Variants in CDRT4 observed in about 807,000 individuals in gnomAD.
CDRT4 encodes CMT1A duplicated region transcript 4 protein.
For synonymous variants in CDRT4, 64 were observed against 69.6 expected (o/e 0.92, Z 0.40); for missense variants, 167 against 193.1 (o/e 0.87, Z 0.80).
intron 2 of CDRT4, 28 bp from the exon 3 acceptor site, chr17:15,440,313 A>C: frequency 6.2e-7 from 1 of 1,604,600 alleles, no homozygotes; most frequent in Non-Finnish European, 8.5e-7. Context: ...TGTTAGCCAG[A>C]GCCTCCTCAA....
intron 1 of CDRT4, among the ~76,000 whole-genome samples, chr17:15,461,117 AC>A (rs1364336102): frequency 6.6e-6 from 1 of 152,178 alleles, no homozygotes; most frequent in Non-Finnish European, 1.5e-5. Flanking sequence ...TGTTTCCCCG[AC>A]AGCACTTATT....
At chr17:15,445,072 TG>T (rs1055035759) in intron 2 of CDRT4, among the ~76,000 whole-genome samples, 4 of 152,216 alleles carry the variant, frequency 2.6e-5, no homozygotes, top group Non-Finnish European at 4.4e-5. Context: ...GCAGGATTGA[TG>T]GATTAGTGCT....
chr17:15,459,442 T>TTC (rs1979643170), intron 1 of CDRT4, among the ~76,000 whole-genome samples: 3 of 128,612 alleles, frequency 2.3e-5, no homozygotes, highest in African/African-American at 1.1e-4. Context: ...TTTTTTTCTT[T>TTC]TTTTTTTTTT....
At position 15,438,211 on chromosome 17, in the gene CDRT4, A is replaced by G; in HGVS notation, c.32-11T>C. 1 of 1,608,538 alleles carries G rather than the reference A, an allele frequency of 6.2e-7. No homozygotes were observed. Among genetic ancestry groups the G allele is most frequent in the Non-Finnish European group, 8.5e-7 (1 of 1,176,586 alleles). On this transcript the variant is annotated splice_polypyrimidine_tract_variant and intron_variant, in intron 3 of 3. Coordinates refer to ENST00000619038, the MANE Select transcript of CDRT4 (RefSeq NM_001204477.2). ...TGTTTTCTGTGAGTCCTACCAACAA[A>G]GAGAAATGCAGGCCATTTAGAGGCA...
At position 15,440,265 on chromosome 17, in the gene CDRT4, T is replaced by G; in HGVS notation, c.-27A>C. 1 of 1,612,802 alleles carries G rather than the reference T, an allele frequency of 6.2e-7. No homozygotes were observed. Among genetic ancestry groups the G allele is most frequent in the East Asian group, 2.2e-5 (1 of 44,848 alleles). The stretch of plus-strand genomic sequence containing the variant: ...TTCTTTTTAATATTTACTGATTTCT[T>G]AACATCACAGGTTCAGATTCCTATG... On this transcript the variant is annotated 5_prime_UTR_variant, in exon 3 of 4. Transcript: ENST00000619038.
chr17:15,453,410 G>C (rs138228340), intron 1 of CDRT4, among the ~76,000 whole-genome samples: 1 of 152,264 alleles, frequency 6.6e-6, no homozygotes, highest in African/African-American at 2.4e-5. Context: ...GACAAAAGAA[G>C]TTTTTGTTGA....
chr17:15,445,437 C>T (rs1359437171), intron 2 of CDRT4, among the ~76,000 whole-genome samples: 1 of 152,136 alleles, frequency 6.6e-6, no homozygotes, highest in East Asian at 1.9e-4. Flanking sequence ...TATATGTTAA[C>T]TTGTTCTGTA....
rs1979193269 is a variant in CDRT4, at chr17:15,450,015, A to T, written c.-48+2989T>A. Among the ~76,000 whole-genome samples the T allele has an allele frequency of 6.6e-6, 1 of 152,212 alleles. No individual in the cohort carries two copies. The highest frequency in any genetic ancestry group is 1.5e-5 in the Non-Finnish European group (1 of 68,038). ...TGCTATTATGAATAGTGCTGGGATA[A>T]ACATATGAGTGCAGGTGTCTTTTTG... On this transcript the variant is annotated intron_variant, in intron 2 of 3. Coordinates refer to ENST00000619038, the MANE Select transcript of CDRT4 (RefSeq NM_001204477.2). The surrounding 1 kb of genome is among the most constrained non-coding windows in gnomAD (Gnocchi z 4.2).
intron 2 of CDRT4, among the ~76,000 whole-genome samples, chr17:15,445,068 T>C (rs1978957492): frequency 6.6e-6 from 1 of 152,322 alleles, no homozygotes; most frequent in South Asian, 2.1e-4. Flanking sequence ...CCAGGCAGGA[T>C]TGATGGATTA....
intron 2 of CDRT4, among the ~76,000 whole-genome samples, chr17:15,440,506 C>G (rs976023525): frequency 2.6e-5 from 4 of 152,068 alleles, no homozygotes; most frequent in Non-Finnish European, 5.9e-5. Flanking sequence ...TGTAGACTGT[C>G]ATGATAGTCT....
At chr17:15,439,497 T>G (rs1978654463) in intron 3 of CDRT4, among the ~76,000 whole-genome samples, 1 of 152,194 alleles carries the variant, frequency 6.6e-6, no homozygotes, top group African/African-American at 2.4e-5. Flanking sequence ...CTGTTCACCC[T>G]TGCCTCCTCC....
At chr17:15,440,969 A>C (rs1427991387) in intron 2 of CDRT4, among the ~76,000 whole-genome samples, 1 of 152,226 alleles carries the variant, frequency 6.6e-6, no homozygotes, top group African/African-American at 2.4e-5. Context: ...AAAGAAAAAA[A>C]AACTACTGGA....
intron 2 of CDRT4, among the ~76,000 whole-genome samples, chr17:15,446,673 G>A (rs55959216): frequency 1.3e-5 from 2 of 152,120 alleles, no homozygotes; most frequent in South Asian, 2.1e-4. Flanking sequence ...TATACAGACC[G>A]TGCCTCTTTC....
At chr17:15,441,746 A>C (rs1978772235) in intron 2 of CDRT4, among the ~76,000 whole-genome samples, 1 of 152,208 alleles carries the variant, frequency 6.6e-6, no homozygotes, top group Non-Finnish European at 1.5e-5. Context: ...TACTCCCAAA[A>C]AAATGCTCTT....
chr17:15,449,441 A>G (rs1310168152), intron 2 of CDRT4, among the ~76,000 whole-genome samples: 2 of 152,242 alleles, frequency 1.3e-5, no homozygotes, highest in East Asian at 1.9e-4. Flanking sequence ...CCTTTTCTTT[A>G]TAATTCCACA....
rs577776463 is a variant in CDRT4, at chr17:15,446,862, G to C, written c.-48+6142C>G. On this transcript the variant is annotated intron_variant, in intron 2 of 3. Coordinates refer to ENST00000619038, the MANE Select transcript of CDRT4 (RefSeq NM_001204477.2). ...TTTTCTGTAACGATTATATGTGTAC[G>C]TTGAGGGCATTTTATTTTCCAATGG... Among the ~76,000 whole-genome samples the C allele has an allele frequency of 1.5e-4, 23 of 152,278 alleles. No individual in the cohort carries two copies. The South Asian group carries it at 4.6e-3, about 30-fold the overall frequency.
At chr17:15,443,979 G>A in intron 2 of CDRT4, 2 of 717,986 alleles carry the variant, frequency 2.8e-6, no homozygotes, top group Non-Finnish European at 5.0e-6. Context: ...AAATTTCTTG[G>A]GTGAAAAATA....
intron 1 of CDRT4, among the ~76,000 whole-genome samples, chr17:15,465,394 AAC>A (rs759015122): frequency 4.1e-5 from 6 of 147,694 alleles, no homozygotes; most frequent in African/African-American, 1.2e-4. Context: ...CACACACACC[AAC>A]ACACACACAC....
At chr17:15,447,326 CAAG>C (rs1979070550) in intron 2 of CDRT4, among the ~76,000 whole-genome samples, 1 of 152,008 alleles carries the variant, frequency 6.6e-6, no homozygotes, top group Admixed American at 6.5e-5. Flanking sequence ...GGAGGAGTGT[CAAG>C]AAGGAGGTTC....
Sources: allele counts gnomAD v4.1 joint callset (sites outside exome capture counted in the v4.1 genomes callset), GRCh38; gene constraint gnomAD v4.1.1; non-coding constraint Gnocchi (gnomAD v3.1); transcripts MANE v1.5; gene names NCBI Gene and HGNC (gene_info 2026-07-23, HGNC 2026-07-21).